The following NOL4 variants were observed in gnomAD, a reference collection of about 807,000 sequenced individuals.
NOL4 encodes the protein cancer/testis antigen 125.
In NOL4, 17 loss-of-function variants were observed where a neutral mutation model predicts 75.9. That is an observed-to-expected ratio of 0.22 (90% CI 0.15 to 0.34). NOL4 has a LOEUF of 0.34. NOL4 is among the 10% of genes least tolerant of loss of function. The probability of loss-of-function intolerance (pLI) is 1.00; values close to 1 mark genes in which losing one functional copy is unlikely to be tolerated. For synonymous variants in NOL4, 292 were observed against 289.9 expected (o/e 1.01, Z -0.07); for missense variants, 614 against 793.5 (o/e 0.77, Z 2.72).
chr18:34,104,059 TGAG>T lies in NOL4; in HGVS notation c.624_626del (p.Asn208_Ser209delinsLys), dbSNP rs757867798. The T allele has an allele frequency of 6.2e-7, 1 of 1,608,822 alleles. No homozygotes were observed. Among genetic ancestry groups the T allele is most frequent in the Non-Finnish European group, 8.5e-7 (1 of 1,175,620 alleles). Reference sequence around the variant, plus strand: ...GTTTTTATTTTACCTCATCTTGCTGTGAGTTTAGCAGCTGCAGCTTCATGTGTT... The same window carrying T: ...GTTTTTATTTTACCTCATCTTGCTGTTTTAGCAGCTGCAGCTTCATGTGTT... On this transcript the variant is annotated inframe_deletion, in exon 4 of 11. Coordinates refer to ENST00000261592, the MANE Select transcript of NOL4 (RefSeq NM_003787.5).
intron 5 of NOL4, among the ~76,000 whole-genome samples, chr18:34,093,134 A>G (rs570122781): frequency 6.6e-6 from 1 of 152,348 alleles, no homozygotes; most frequent in African/African-American, 2.4e-5. Flanking sequence ...GAAGAATGAC[A>G]GCCCAAGAAA....
intron 1 of NOL4, among the ~76,000 whole-genome samples, chr18:34,189,788 AT>A (rs979089367): frequency 3.8e-4 from 58 of 151,950 alleles, no homozygotes; most frequent in African/African-American, 1.4e-3. Context: ...ATAAATACAT[AT>A]TTTTTAATTC....
intron 1 of NOL4, among the ~76,000 whole-genome samples, chr18:34,218,646 C>T (rs2037081746): frequency 6.6e-6 from 1 of 152,162 alleles, no homozygotes; most frequent in Admixed American, 6.5e-5. Context: ...TATTCATTCT[C>T]GGGATCTATT....
chr18:33,901,203 C>A (rs942809198), intron 9 of NOL4, among the ~76,000 whole-genome samples: 1 of 151,756 alleles, frequency 6.6e-6, no homozygotes, highest in Admixed American at 6.6e-5. Flanking sequence ...GACTATAAAC[C>A]CAACCAAAAA....
chr18:34,199,145 G>GTGT, intron 1 of NOL4, among the ~76,000 whole-genome samples: 2 of 131,288 alleles, frequency 1.5e-5, no homozygotes, highest in South Asian at 2.5e-4. Context: ...GGACAGAGAA[G>GTGT]TTTTTTTTTT....
At chr18:33,970,750 T>C (rs954818304) in intron 6 of NOL4, among the ~76,000 whole-genome samples, 5 of 151,828 alleles carry the variant, frequency 3.3e-5, no homozygotes, top group African/African-American at 1.2e-4. Context: ...TGTGTGTGTG[T>C]GTATGTGTAT....
chr18:34,099,183 T>G (rs2078924795), intron 4 of NOL4, among the ~76,000 whole-genome samples: 1 of 151,028 alleles, frequency 6.6e-6, no homozygotes, highest in Non-Finnish European at 1.5e-5. Context: ...GCCAACACGG[T>G]GAAACCCCAT....
rs1228365684 is a variant in NOL4 at position 34,132,396 on chromosome 18, T to C, written c.265-2376A>G. 2.6e-5 allele frequency among the ~76,000 whole-genome samples: 4 copies of C among 152,294 alleles called. No homozygotes were observed. The East Asian group carries it at 7.7e-4, about 29-fold the overall frequency. ...AGATACAAATTGTGCCATAGGAGCA[T>C]ACATTTGAAAAGTTTCACAAGCATT... On this transcript the variant is annotated intron_variant, in intron 1 of 10. Coordinates refer to ENST00000261592, the MANE Select transcript of NOL4 (RefSeq NM_003787.5).
chr18:34,145,702 G>A (rs973722648), intron 1 of NOL4, among the ~76,000 whole-genome samples: 4 of 151,584 alleles, frequency 2.6e-5, no homozygotes, highest in African/African-American at 4.8e-5. Context: ...AGAAACAACA[G>A]TACTAAGTAA....
intron 1 of NOL4, among the ~76,000 whole-genome samples, chr18:34,176,708 G>T (rs986607607): frequency 1.3e-5 from 2 of 152,108 alleles, no homozygotes; most frequent in Non-Finnish European, 2.9e-5. Context: ...CAGAGAGAAA[G>T]TGTTCATCTA....
At chr18:34,214,513 C>A (rs1361087346) in intron 1 of NOL4, among the ~76,000 whole-genome samples, 1 of 152,064 alleles carries the variant, frequency 6.6e-6, no homozygotes, top group African/African-American at 2.4e-5. Context: ...TAATGTAAAC[C>A]ATAATCTTCA....
chr18:34,042,519 G>A (rs959385507), intron 5 of NOL4, among the ~76,000 whole-genome samples: 3 of 151,972 alleles, frequency 2.0e-5, no homozygotes, highest in Non-Finnish European at 4.4e-5. Flanking sequence ...AGGAGAGGTA[G>A]CATGTATATT....
chr18:34,203,519 ATAT>A (rs2035885543), intron 1 of NOL4, among the ~76,000 whole-genome samples: 2 of 151,904 alleles, frequency 1.3e-5, no homozygotes, highest in Admixed American at 6.6e-5. Flanking sequence ...GGATGTGATA[ATAT>A]TATATTATAG....
At chr18:33,986,415 A>G (rs2072460428) in intron 6 of NOL4, among the ~76,000 whole-genome samples, 2 of 152,142 alleles carry the variant, frequency 1.3e-5, no homozygotes, top group Non-Finnish European at 2.9e-5. Context: ...TAAAAACACA[A>G]ATGGGCAGAA....
intron 1 of NOL4, among the ~76,000 whole-genome samples, chr18:34,168,689 A>G (rs1040557891): frequency 6.6e-6 from 1 of 151,818 alleles, no homozygotes; most frequent in African/African-American, 2.4e-5. Context: ...AAAGATTTTA[A>G]TTCACTACAA....
At chr18:34,060,834 G>A (rs1364532455) in intron 5 of NOL4, among the ~76,000 whole-genome samples, 1 of 152,192 alleles carries the variant, frequency 6.6e-6, no homozygotes, top group Non-Finnish European at 1.5e-5. Flanking sequence ...ATTCCTCTAT[G>A]TTTTGGCAAC....
At chr18:33,882,269 G>A (rs1321510974) in intron 10 of NOL4, among the ~76,000 whole-genome samples, 16 of 151,588 alleles carry the variant, frequency 1.1e-4, no homozygotes, top group South Asian at 2.1e-4. Context: ...TGAACAGGCA[G>A]CCTACAAAAT....
At chr18:33,861,464 T>A (rs1161153663) in intron 10 of NOL4, among the ~76,000 whole-genome samples, 1 of 152,166 alleles carries the variant, frequency 6.6e-6, no homozygotes, top group African/African-American at 2.4e-5. Flanking sequence ...TGTATTTCTG[T>A]GGGATTGGTG....
At chr18:33,964,661 A>C (rs2070436075) in intron 6 of NOL4, among the ~76,000 whole-genome samples, 1 of 152,140 alleles carries the variant, frequency 6.6e-6, no homozygotes, top group Non-Finnish European at 1.5e-5. Flanking sequence ...GCAAAGGCTC[A>C]GCTCCCTCCC....
Sources: allele counts gnomAD v4.1 joint callset (sites outside exome capture counted in the v4.1 genomes callset), GRCh38; gene constraint gnomAD v4.1.1; transcripts MANE v1.5; gene names NCBI Gene and HGNC (gene_info 2026-07-23, HGNC 2026-07-21).